The following HS6ST2 variants were observed in gnomAD, a reference collection of about 807,000 sequenced individuals.
HS6ST2 encodes heparan-sulfate 6-O-sulfotransferase 2.
In HS6ST2, 17 loss-of-function variants were observed where a neutral mutation model predicts 33.0. The observed-to-expected ratio is 0.52, with a 90% confidence interval of 0.35 to 0.77. The LOEUF is 0.77. HS6ST2 is among the 30% of genes least tolerant of loss of function. HS6ST2 has a pLI of 0.01. For synonymous variants in HS6ST2, 248 were observed against 237.1 expected, an observed-to-expected ratio of 1.05 and a Z score of -0.42; for missense variants, 519 against 551.7, an observed-to-expected ratio of 0.94 and a Z score of 0.59.
At chrX:132,650,530 T>C (rs2063681817) in intron 4 of HS6ST2, among the ~76,000 whole-genome samples, 1 of 111,409 alleles carries the variant, frequency 9.0e-6, no homozygotes, top group South Asian at 3.9e-4. Context: ...CTTTCATATT[T>C]ATTTTTAAAC....
intron 2 of HS6ST2, among the ~76,000 whole-genome samples, chrX:132,905,789 CTAT>C (rs750904436): frequency 8.9e-6 from 1 of 111,838 alleles, no homozygotes; most frequent in Admixed American, 9.5e-5. Context: ...CTTAATTTAG[CTAT>C]TTCCGTTACC....
chrX:132,881,210 C>A (rs2066168625), intron 2 of HS6ST2, among the ~76,000 whole-genome samples: 1 of 110,881 alleles, frequency 9.0e-6, no homozygotes, highest in Admixed American at 9.6e-5. Flanking sequence ...ACACTGTCTT[C>A]CACAATGGTT....
chrX:132,664,555 T>C (rs1399570540), intron 4 of HS6ST2, among the ~76,000 whole-genome samples: 1 of 111,766 alleles, frequency 8.9e-6, no homozygotes, highest in African/African-American at 3.3e-5. Flanking sequence ...GATCATCTCA[T>C]ATTCCCCTTC....
At chrX:132,934,095 A>C (rs2066801152) in intron 2 of HS6ST2, among the ~76,000 whole-genome samples, 1 of 108,083 alleles carries the variant, frequency 9.3e-6, no homozygotes. Context: ...TAATAACAAA[A>C]TACAGTATAA....
chrX:132,683,412 T>C lies in HS6ST2; in HGVS notation c.981-14213A>G, dbSNP rs185590743. On this transcript the variant is annotated intron_variant, in intron 3 of 4. Transcript: ENST00000370833. ...GAATAGGCTGTCCCCTTCAAGAAAT[T>C]AGCAGATAGAACAGAGGCAATTTTT... Among the ~76,000 whole-genome samples, 37 of 111,757 alleles carry C rather than the reference T, an allele frequency of 3.3e-4. No individual in the cohort carries two copies. In the East Asian group the frequency reaches 7.6e-3, roughly 23 times the overall value.
chrX:132,901,228 C>T (rs2066423238), intron 2 of HS6ST2, among the ~76,000 whole-genome samples: 1 of 111,978 alleles, frequency 8.9e-6, no homozygotes, highest in African/African-American at 3.2e-5. Context: ...GAGAACCCAG[C>T]AAAGCCATGC....
chrX:132,766,836 AG>A (rs758066420), intron 2 of HS6ST2, among the ~76,000 whole-genome samples: 63 of 112,108 alleles, frequency 5.6e-4, no homozygotes, highest in African/African-American at 1.9e-3. Context: ...TGAATGGTTG[AG>A]GTACTTTTAC....
intron 2 of HS6ST2, among the ~76,000 whole-genome samples, chrX:132,953,802 T>C (rs1411813739): frequency 1.8e-5 from 2 of 112,480 alleles, no homozygotes; most frequent in East Asian, 2.8e-4. Flanking sequence ...CAAACTCACA[T>C]GTTGTAAAAT....
chrX:132,776,513 C>A (rs1039513246), intron 2 of HS6ST2, among the ~76,000 whole-genome samples: 1 of 111,589 alleles, frequency 9.0e-6, no homozygotes, highest in African/African-American at 3.3e-5. Flanking sequence ...AATCTGTGTT[C>A]ACTATTTCAA....
chrX:132,665,849 T>G (rs1324365168), intron 4 of HS6ST2, among the ~76,000 whole-genome samples: 1 of 110,659 alleles, frequency 9.0e-6, no homozygotes, highest in Non-Finnish European at 1.9e-5. Context: ...CTGGCTCTGC[T>G]GCTCAGACAT....
intron 2 of HS6ST2, among the ~76,000 whole-genome samples, chrX:132,772,179 A>G (rs5933189): frequency 0.045 from 5,039 of 111,340 alleles, 126 homozygotes; most frequent in Non-Finnish European, 0.066. Flanking sequence ...GATCTGTGTA[A>G]AAGTTGAACA....
At chrX:132,929,962 A>C (rs770501704) in intron 2 of HS6ST2, among the ~76,000 whole-genome samples, 2 of 111,286 alleles carry the variant, frequency 1.8e-5, no homozygotes, top group Non-Finnish European at 3.8e-5. Context: ...ACGGAGATTG[A>C]AAAAGGGACT....
intron 2 of HS6ST2, among the ~76,000 whole-genome samples, chrX:132,783,723 C>T (rs1165704533): frequency 3.6e-5 from 4 of 111,158 alleles, no homozygotes; most frequent in African/African-American, 6.5e-5. Flanking sequence ...CCAATAACTC[C>T]GCCTCAGGAA....
intron 2 of HS6ST2, among the ~76,000 whole-genome samples, chrX:132,732,070 G>T (rs1034870542): frequency 1.8e-5 from 2 of 111,950 alleles, no homozygotes; most frequent in Non-Finnish European, 3.8e-5. Context: ...GCATAGGTGG[G>T]ATTTCTCTTT....
At chrX:132,664,136 G>A (rs903333316) in intron 4 of HS6ST2, among the ~76,000 whole-genome samples, 8 of 111,445 alleles carry the variant, frequency 7.2e-5, no homozygotes, top group Admixed American at 3.8e-4. Context: ...TCAGCCTCCC[G>A]AGTAGCTGGG....
rs573492661 is a variant in HS6ST2 at position 132,812,054 on chromosome X, C to T, written c.948-103560G>A. Among the ~76,000 whole-genome samples the T allele has an allele frequency of 1.7e-4, 19 of 109,159 alleles. No homozygotes were observed. In the South Asian group the frequency reaches 6.9e-3, roughly 39 times the overall value. 94.8% of individuals were successfully genotyped at this position (109,159 alleles called of 115,157 possible). ...CCATTTTATATTCCCACCAGCAGTG[C>T]ACAAAGGTTGCAATTTCTCCGCATC... On this transcript the variant is annotated intron_variant, in intron 2 of 4. Coordinates refer to ENST00000370833, the MANE Select transcript of HS6ST2 (RefSeq NM_001394073.1).
chrX:132,653,045 C>A (rs759867608), intron 4 of HS6ST2, among the ~76,000 whole-genome samples: 11 of 111,679 alleles, frequency 9.8e-5, no homozygotes, highest in South Asian at 3.8e-4. Context: ...ACAGTAAATA[C>A]CATGTGCTTG....
chrX:132,766,144 T>C (rs1421229848), intron 2 of HS6ST2, among the ~76,000 whole-genome samples: 1 of 112,280 alleles, frequency 8.9e-6, no homozygotes, highest in Non-Finnish European at 1.9e-5. Flanking sequence ...TGAAACTAAT[T>C]CAACTAATGT....
intron 3 of HS6ST2, among the ~76,000 whole-genome samples, chrX:132,685,970 ACAT>A (rs2064013796): frequency 8.9e-6 from 1 of 112,228 alleles, no homozygotes; most frequent in Admixed American, 9.4e-5. Context: ...TAGTGCTTTG[ACAT>A]CATTTTCCCT....
Sources: allele counts gnomAD v4.1 joint callset (sites outside exome capture counted in the v4.1 genomes callset), GRCh38; gene constraint gnomAD v4.1.1; transcripts MANE v1.5; gene names NCBI Gene and HGNC (gene_info 2026-07-23, HGNC 2026-07-21).